SLC12A2: variants seen among roughly 807,000 people sequenced by gnomAD.
The protein encoded by SLC12A2 is Na-K-2Cl cotransporter 1.
SLC12A2 carries 67 observed loss-of-function variants against 136.3 expected under a neutral mutation model. The observed-to-expected ratio is 0.49, with a 90% CI of 0.40 to 0.60. SLC12A2 has a LOEUF of 0.60. Among genes scored for constraint, SLC12A2 ranks in the 20% least tolerant of loss-of-function variants. The pLI is 0.00. For missense variants in SLC12A2, 1,322 were observed against 1,534.7 expected (o/e 0.86, Z 2.32); for synonymous variants, 619 against 562.9 (o/e 1.10, Z -1.41).
intron 15 of SLC12A2, among the ~76,000 whole-genome samples, chr5:128,155,738 G>T (rs535970372): frequency 1.3e-5 from 2 of 152,304 alleles, no homozygotes; most frequent in South Asian, 4.1e-4. Flanking sequence ...GCATTGGTAA[G>T]TGGAGCTTGT....
intron 4 of SLC12A2, among the ~76,000 whole-genome samples, chr5:128,129,336 T>A (rs930758088): frequency 6.6e-6 from 1 of 152,136 alleles, no homozygotes. Context: ...TATAATGTGA[T>A]GTAATATAGT....
At chr5:128,116,921 AT>A (rs985415015) in intron 4 of SLC12A2, among the ~76,000 whole-genome samples, 2 of 152,206 alleles carry the variant, frequency 1.3e-5, no homozygotes, top group African/African-American at 4.8e-5. Context: ...CATGAAAAAA[AT>A]ATTTTCCACG....
chr5:128,168,865 C>T (rs1355498903), intron 18 of SLC12A2: 1 of 152,208 alleles, frequency 6.6e-6, no homozygotes, highest in African/African-American at 2.4e-5. Flanking sequence ...ACAAGCCTGG[C>T]TCATTACTGG....
At chr5:128,118,345 A>C (rs1209961525) in intron 4 of SLC12A2, among the ~76,000 whole-genome samples, 1 of 152,224 alleles carries the variant, frequency 6.6e-6, no homozygotes, top group Non-Finnish European at 1.5e-5. Context: ...CAGTGAGTGG[A>C]TAAAGAAAAT....
At chr5:128,126,305 A>C (rs1036112049) in intron 4 of SLC12A2, among the ~76,000 whole-genome samples, 1 of 152,214 alleles carries the variant, frequency 6.6e-6, no homozygotes, top group Non-Finnish European at 1.5e-5. Flanking sequence ...ACAAATGGCA[A>C]GCAGGCATAT....
chr5:128,149,680 T>C (rs1245781477), intron 12 of SLC12A2, among the ~76,000 whole-genome samples: 1 of 151,864 alleles, frequency 6.6e-6, no homozygotes, highest in Admixed American at 6.6e-5. Flanking sequence ...TTATGTAACT[T>C]TTAAAACACC....
intron 7 of SLC12A2, among the ~76,000 whole-genome samples, chr5:128,136,377 T>C (rs1021802279): frequency 2.6e-5 from 4 of 152,114 alleles, no homozygotes; most frequent in Non-Finnish European, 5.9e-5. Context: ...TTATATTACT[T>C]AGTGGTGTTA....
chr5:128,138,683 A>G lies in SLC12A2; in HGVS notation c.1495A>G (p.Thr499Ala). 1 of 1,613,828 alleles carries G rather than the reference A, an allele frequency of 6.2e-7. No homozygotes were observed. The highest frequency in any genetic ancestry group is 8.5e-7 in the Non-Finnish European group (1 of 1,179,834). Residue 499 changes from threonine to alanine, a missense_variant, in exon 8 of 27, where the codon ACT (threonine) becomes GCT (alanine). Transcript: ENST00000262461. ...ATTTGCCATCTTTTTTCCTGCTGCA[A>G]CTGGTATTCTGGCTGGAGCAAATAT... ...SVFAIFFPAA[T>A]GILAGANISG...
intron 17 of SLC12A2, among the ~76,000 whole-genome samples, chr5:128,165,231 A>G (rs1449822380): frequency 6.6e-6 from 1 of 152,038 alleles, no homozygotes; most frequent in African/African-American, 2.4e-5. Context: ...AGCATTGCTA[A>G]TTTTCTTGTT....
rs778522688 is a variant in SLC12A2, at chr5:128,180,899, A to G, written c.3117A>G (p.Ile1039Met). 13 of 1,599,340 alleles carry G rather than the reference A, an allele frequency of 8.1e-6. No individual in the cohort carries two copies. Among genetic ancestry groups the G allele is most frequent in the Non-Finnish European group, 1.7e-6 (2 of 1,167,378 alleles). Residue 1039 changes from isoleucine to methionine, a missense_variant, in exon 23 of 27, where the codon ATA becomes ATG. Around this residue, in one of 8 missense-constraint regions of SLC12A2, gnomAD observed 172 missense variants for 227.4 expected, o/e 0.76. Transcript: ENST00000262461. The part of the protein sequence containing the change: ...LFDDGGLTLL[I>M]PYLLTTKKKW... ...ATAATTCAGGTTTGACCTTATTGAT[A>G]CCTTACCTTCTGACGACCAAGAAAA... is the stretch of plus-strand genomic sequence containing the variant.
intron 17 of SLC12A2, among the ~76,000 whole-genome samples, chr5:128,164,820 A>G (rs1229860194): frequency 6.6e-6 from 1 of 151,106 alleles, no homozygotes; most frequent in Non-Finnish European, 1.5e-5. Flanking sequence ...GCAATTAAGT[A>G]TCTAGCTTCC....
chr5:128,186,801 G>C lies in SLC12A2; in HGVS notation c.*170G>C. Reference sequence around the variant, plus strand: ...TTGCTCCATTGATAACGTGTATGGAGACTTCGGTTTTAGTCAATTCCATAT... The same window carrying C: ...TTGCTCCATTGATAACGTGTATGGACACTTCGGTTTTAGTCAATTCCATAT... On this transcript the variant is annotated 3_prime_UTR_variant, in exon 27 of 27. Transcript: ENST00000262461. The C allele has an allele frequency of 3.4e-6, 2 of 582,196 alleles. No individual in the cohort carries two copies. Among genetic ancestry groups the C allele is most frequent in the Non-Finnish European group, 5.7e-6 (2 of 349,354 alleles). 36.1% of individuals were successfully genotyped at this position (582,196 alleles called of 1,614,324 possible). A position where few individuals can be genotyped will look rare whatever the true frequency, so the allele number is the denominator to read the frequency against.
At position 128,105,602 on chromosome 5, in the gene SLC12A2, A is replaced by T. The variant is rs145614645; in HGVS notation, c.757-7212A>T. Among the ~76,000 whole-genome samples the T allele has an allele frequency of 2.3e-4, 35 of 152,328 alleles. No individual in the cohort carries two copies. In the South Asian group the frequency reaches 5.6e-3, roughly 24 times the overall value. On this transcript the variant is annotated intron_variant, in intron 1 of 26. Coordinates refer to ENST00000262461, the MANE Select transcript of SLC12A2 (RefSeq NM_001046.3). ...GTGCTGCACTATTAGAAACTTTGGCAAGAGTCAGAGTGCAGTAAAAAGTTA... is the reference window on the plus strand; with the variant it reads ...GTGCTGCACTATTAGAAACTTTGGCTAGAGTCAGAGTGCAGTAAAAAGTTA...
intron 25 of SLC12A2, 56 bp from the exon 26 acceptor site, chr5:128,184,733 C>T (rs760243281): frequency 1.2e-6 from 2 of 1,608,092 alleles, no homozygotes; most frequent in South Asian, 2.2e-5. Flanking sequence ...TTTTATGAAC[C>T]ATGCTAAATT....
At chr5:128,124,159 T>C (rs1761690697) in intron 4 of SLC12A2, among the ~76,000 whole-genome samples, 1 of 152,212 alleles carries the variant, frequency 6.6e-6, no homozygotes, top group Non-Finnish European at 1.5e-5. Context: ...ACACCATTCA[T>C]GAAGTTCTGC....
In SLC12A2 at chr5:128,117,980, A is replaced by G. The variant is rs535824592; in HGVS notation, c.1048+3299A>G. 3.9e-5 allele frequency among the ~76,000 whole-genome samples: 6 copies of G among 152,260 alleles called. 1 individual carries two copies. In the South Asian group the frequency reaches 1.2e-3, roughly 32 times the overall value. ...TACGAAAAAATGCTCAGCATCACTAATTATCAGAGAAATGCAAATTAAAAC... is the reference window on the plus strand; with the variant it reads ...TACGAAAAAATGCTCAGCATCACTAGTTATCAGAGAAATGCAAATTAAAAC... On this transcript the variant is annotated intron_variant, in intron 4 of 26. Transcript: ENST00000262461.
At chr5:128,100,891 T>G (rs1276776848) in intron 1 of SLC12A2, among the ~76,000 whole-genome samples, 1 of 152,196 alleles carries the variant, frequency 6.6e-6, no homozygotes, top group African/African-American at 2.4e-5. Context: ...AGCAATGCTA[T>G]TTCTAATGCA....
At chr5:128,168,540 G>C (rs1379308740) in intron 18 of SLC12A2, 1 of 152,050 alleles carries the variant, frequency 6.6e-6, no homozygotes, top group African/African-American at 2.4e-5. Context: ...TGATTCAAGC[G>C]CATTACATTT....
At chr5:128,130,982 G>T in intron 4 of SLC12A2, 85 bp from the exon 5 acceptor site, 1 of 1,318,596 alleles carries the variant, frequency 7.6e-7, no homozygotes, top group South Asian at 1.3e-5. Context: ...TCTGCTTTGT[G>T]AATTCATGTA....
Sources: gnomAD v4.1 joint callset for allele counts (sites outside exome capture counted in the v4.1 genomes callset) on GRCh38, gnomAD v4.1.1 for gene constraint, gnomAD v4.1.1 regional missense constraint, MANE v1.5 for transcripts, NCBI Gene and HGNC (gene_info 2026-07-23, HGNC 2026-07-21) for gene names.